Variants in TMEM231 observed in about 807,000 individuals in gnomAD.
The protein encoded by TMEM231 is transmembrane protein 231.
Under a neutral mutation model 38.5 loss-of-function variants are expected in TMEM231, and 40 were observed. The ratio of observed to expected loss-of-function variants is 1.04; its 90% CI spans 0.81 to 1.35. The LOEUF (loss-of-function observed/expected upper bound fraction) is 1.35, where lower values mean the gene tolerates loss of function less well. Ranked by LOEUF, TMEM231 falls within the 40% of genes most tolerant of loss-of-function variation. The pLI is 0.00. For missense variants in TMEM231, 420 were observed against 416.9 expected, an observed-to-expected ratio of 1.01 and a Z score of -0.07; for synonymous variants, 199 against 181.7, an observed-to-expected ratio of 1.10 and a Z score of -0.77.
intron 2 of TMEM231, among the ~76,000 whole-genome samples, chr16:75,547,256 C>G (rs1597043318): frequency 6.6e-6 from 1 of 152,198 alleles, no homozygotes; most frequent in Admixed American, 6.5e-5. Flanking sequence ...CCCACCATTA[C>G]TATTACGTAA....
chr16:75,552,452 C>T (rs180907192), intron 2 of TMEM231, among the ~76,000 whole-genome samples: 1 of 151,376 alleles, frequency 6.6e-6, no homozygotes, highest in African/African-American at 2.4e-5. Context: ...GACCCTGTCT[C>T]AAAACAAACA....
chr16:75,544,025 C>T (rs1345759622), intron 4 of TMEM231, among the ~76,000 whole-genome samples: 3 of 152,180 alleles, frequency 2.0e-5, no homozygotes, highest in Non-Finnish European at 4.4e-5. Flanking sequence ...GAGTTCTGCA[C>T]ACAGACAGGC....
rs564414681 is a variant in TMEM231 at position 75,555,487 on chromosome 16, C to T, written c.309+317G>A. 5.6e-4 allele frequency: 199 copies of T among 352,318 alleles called. 1 individual carries two copies. The highest frequency in any genetic ancestry group is 4.0e-3 in the African/African-American group (191 of 47,796). The allele number at this position is 352,318 out of a possible 1,614,324, so 21.8% of individuals were successfully genotyped here. On this transcript the variant is annotated intron_variant, in intron 2 of 6. Transcript: ENST00000258173. Reference sequence around the variant, plus strand: ...TCCTAAATGGACTTTCACAAACACCCTCCATCAGGCCAGGCCCGCGGGTGT... The same window carrying T: ...TCCTAAATGGACTTTCACAAACACCTTCCATCAGGCCAGGCCCGCGGGTGT...
intron 2 of TMEM231, among the ~76,000 whole-genome samples, chr16:75,549,110 T>C (rs73612886): frequency 0.083 from 12,619 of 152,074 alleles, 1,765 homozygotes; most frequent in African/African-American, 0.29. Flanking sequence ...ATGGAAAGGA[T>C]GTGTCTCCCA....
At chr16:75,546,534 C>T (rs1343052709) in intron 2 of TMEM231, among the ~76,000 whole-genome samples, 1 of 152,144 alleles carries the variant, frequency 6.6e-6, no homozygotes, top group East Asian at 1.9e-4. Context: ...CCTCCGCCTC[C>T]CAGGGTCAAG....
chr16:75,556,043 C>A (rs370005084), intron 1 of TMEM231, 28 bp downstream of exon 1: 1 of 1,565,350 alleles, frequency 6.4e-7, no homozygotes, highest in Admixed American at 1.9e-5. Flanking sequence ...CGGGGAGCCT[C>A]GTGGCACAGC....
chr16:75,554,662 T>C (rs1236970244), intron 2 of TMEM231, among the ~76,000 whole-genome samples: 3 of 152,150 alleles, frequency 2.0e-5, no homozygotes, highest in Non-Finnish European at 4.4e-5. Flanking sequence ...TTAATAAGTA[T>C]TGATACATAT....
At chr16:75,540,269 G>A in intron 6 of TMEM231, 95 bp from the exon 7 acceptor site, 1 of 1,273,270 alleles carries the variant, frequency 7.9e-7, no homozygotes, top group Non-Finnish European at 1.1e-6. Context: ...CTCGAAAGGA[G>A]GCAGGACCTC....
intron 2 of TMEM231, among the ~76,000 whole-genome samples, chr16:75,548,117 C>T (rs538475187): frequency 6.6e-6 from 1 of 152,306 alleles, no homozygotes; most frequent in Non-Finnish European, 1.5e-5. Context: ...GAGATTAGGG[C>T]ATTTATCAGA....
intron 2 of TMEM231, among the ~76,000 whole-genome samples, chr16:75,553,070 G>A (rs2080779111): frequency 6.6e-6 from 1 of 152,168 alleles, no homozygotes; most frequent in African/African-American, 2.4e-5. Flanking sequence ...AGGATGAGCT[G>A]ACCAAAGCAG....
intron 6 of TMEM231, among the ~76,000 whole-genome samples, chr16:75,540,948 G>A (rs2080619468): frequency 6.6e-6 from 1 of 152,116 alleles, no homozygotes; most frequent in South Asian, 2.1e-4. Flanking sequence ...TCCCACGTCT[G>A]TTACTACTTG....
At chr16:75,542,732 C>T (rs747494793) in intron 4 of TMEM231, 49 bp from the exon 5 acceptor site, 46 of 1,572,886 alleles carry the variant, frequency 2.9e-5, no homozygotes, top group East Asian at 1.1e-4. Flanking sequence ...AGACTCCTCC[C>T]CTTTTCCTTC....
chr16:75,550,809 C>T (rs548990422), intron 2 of TMEM231, among the ~76,000 whole-genome samples: 28 of 151,640 alleles, frequency 1.8e-4, no homozygotes, highest in Non-Finnish European at 2.9e-4. Context: ...CTCCGCCTCC[C>T]GGGTTCAAGC....
chr16:75,555,068 T>C (rs1184167794), intron 2 of TMEM231: 2 of 152,210 alleles, frequency 1.3e-5, no homozygotes, highest in Non-Finnish European at 1.5e-5. Flanking sequence ...AGAAGTTTCA[T>C]ACTTCTAAAG....
At position 75,538,621 on chromosome 16, in the gene TMEM231, C is replaced by T. The variant is rs772288415; in HGVS notation, c.*1373G>A. The T allele has an allele frequency of 4.7e-5, 7 of 150,300 alleles. No individual in the cohort carries two copies. Among genetic ancestry groups the T allele is most frequent in the Non-Finnish European group, 7.4e-5 (5 of 68,016 alleles). The allele number at this position is 150,300 out of a possible 1,614,324, so 9.3% of individuals were successfully genotyped here. A position where few individuals can be genotyped will look rare whatever the true frequency, so the allele number is the denominator to read the frequency against. ...AGTAAGCCTAAAGGAGCACTAAAAACGACAACTGATCTCCAAAGTAAACTG... is the reference window on the plus strand; with the variant it reads ...AGTAAGCCTAAAGGAGCACTAAAAATGACAACTGATCTCCAAAGTAAACTG... On this transcript the variant is annotated 3_prime_UTR_variant, in exon 7 of 7. Coordinates refer to ENST00000258173, the MANE Select transcript of TMEM231 (RefSeq NM_001077418.3).
At chr16:75,542,716 C>A in intron 4 of TMEM231, 33 bp from the exon 5 acceptor site, 1 of 1,600,506 alleles carries the variant, frequency 6.2e-7, no homozygotes, top group Non-Finnish European at 8.6e-7. Context: ...GGTGTGAGCA[C>A]CTGGGAGACT....
At chr16:75,555,705 G>C in intron 2 of TMEM231, 99 bp downstream of exon 2, 1 of 1,279,840 alleles carries the variant, frequency 7.8e-7, no homozygotes, top group Admixed American at 3.2e-5. Flanking sequence ...TCAAAGCTGG[G>C]CTCCCCAGGG....
At chr16:75,546,976 G>A (rs1005963881) in intron 2 of TMEM231, among the ~76,000 whole-genome samples, 1 of 152,092 alleles carries the variant, frequency 6.6e-6, no homozygotes, top group Non-Finnish European at 1.5e-5. Context: ...GAGGAAAAAA[G>A]ACAAAATACA....
At chr16:75,541,507 T>G in intron 5 of TMEM231, 52 bp from the exon 6 acceptor site, 1 of 1,231,636 alleles carries the variant, frequency 8.1e-7, no homozygotes, top group Non-Finnish European at 1.2e-6. Flanking sequence ...ACTCTGGCAG[T>G]TGAAGGCTAT....
Sources: gnomAD v4.1 joint callset for allele counts (sites outside exome capture counted in the v4.1 genomes callset) on GRCh38, gnomAD v4.1.1 for gene constraint, MANE v1.5 for transcripts, NCBI Gene and HGNC (gene_info 2026-07-23, HGNC 2026-07-21) for gene names.